The following TSPAN18 variants were observed in gnomAD, a reference collection of about 807,000 sequenced individuals.
TSPAN18 encodes the protein tetraspanin-18.
TSPAN18 carries 14 observed loss-of-function variants against 27.3 expected under a neutral mutation model. The observed-to-expected ratio is 0.51, with a 90% CI of 0.34 to 0.80. The LOEUF is 0.80. Among genes scored for constraint, TSPAN18 ranks in the 30% least tolerant of loss-of-function variants. The pLI is 0.01. For synonymous variants in TSPAN18, 143 were observed against 136.5 expected (o/e 1.05, Z -0.33); for missense variants, 268 against 323.9 (o/e 0.83, Z 1.32).
intron 1 of TSPAN18, among the ~76,000 whole-genome samples, chr11:44,728,812 T>C (rs1454574811): frequency 6.6e-6 from 1 of 152,190 alleles, no homozygotes; most frequent in East Asian, 1.9e-4. Flanking sequence ...GGGGCTAACA[T>C]TGAAGGGACA....
intron 3 of TSPAN18, among the ~76,000 whole-genome samples, chr11:44,899,554 C>G (rs1349647701): frequency 6.6e-6 from 1 of 152,234 alleles, no homozygotes; most frequent in African/African-American, 2.4e-5. Context: ...TCTAGGAGAG[C>G]AGCTGGGAGG....
chr11:44,816,241 T>C (rs1856816370), intron 2 of TSPAN18, among the ~76,000 whole-genome samples: 1 of 152,218 alleles, frequency 6.6e-6, no homozygotes, highest in South Asian at 2.1e-4. Context: ...CAAAGAGTAC[T>C]GTAATCGATT....
At chr11:44,781,482 G>A (rs996574467) in intron 2 of TSPAN18, among the ~76,000 whole-genome samples, 3 of 152,160 alleles carry the variant, frequency 2.0e-5, no homozygotes, top group Non-Finnish European at 4.4e-5. Flanking sequence ...TTGCTCTAGA[G>A]GCTGCAGGAG....
intron 1 of TSPAN18, among the ~76,000 whole-genome samples, chr11:44,735,726 C>T (rs1854776725): frequency 6.6e-6 from 1 of 152,064 alleles, no homozygotes; most frequent in African/African-American, 2.4e-5. Flanking sequence ...ATACCATTCT[C>T]CTGCCTCAGC....
intron 2 of TSPAN18, among the ~76,000 whole-genome samples, chr11:44,856,462 A>G (rs979694021): frequency 9.2e-5 from 14 of 151,942 alleles, no homozygotes; most frequent in African/African-American, 2.9e-4. Flanking sequence ...TCATCTTCAT[A>G]CATTCCAATC....
In TSPAN18 at chr11:44,930,874, C is replaced by T. The variant is rs1458869485; in HGVS notation, c.*1696C>T. 3 of 521,302 alleles carry T rather than the reference C, an allele frequency of 5.8e-6. No individual in the cohort carries two copies. The highest frequency in any genetic ancestry group is 1.9e-5 in the African/African-American group (1 of 51,686). The allele number at this position is 521,302 out of a possible 1,614,324, so 32.3% of individuals were successfully genotyped here. A position where few individuals can be genotyped will look rare whatever the true frequency, so the allele number is the denominator to read the frequency against. On this transcript the variant is annotated 3_prime_UTR_variant, in exon 10 of 10. Coordinates refer to ENST00000520358, the MANE Select transcript of TSPAN18 (RefSeq NM_130783.5). ...TGTCCCTCTTCAGGAAGAAAGAGCTCATTCTGTCTCACAAGCCACCGGCAT... is the reference window on the plus strand; with the variant it reads ...TGTCCCTCTTCAGGAAGAAAGAGCTTATTCTGTCTCACAAGCCACCGGCAT...
chr11:44,741,588 G>A (rs1269359102), intron 1 of TSPAN18, among the ~76,000 whole-genome samples: 4 of 152,074 alleles, frequency 2.6e-5, no homozygotes, highest in Non-Finnish European at 5.9e-5. Context: ...TGAGACATAC[G>A]GGATTAACAT....
At chr11:44,854,812 CAAAG>C (rs1857694095) in intron 2 of TSPAN18, among the ~76,000 whole-genome samples, 1 of 152,172 alleles carries the variant, frequency 6.6e-6, no homozygotes, top group Non-Finnish European at 1.5e-5. Context: ...GTCTATAAAA[CAAAG>C]AAAAACTGAG....
At chr11:44,752,402 C>T (rs1018686280) in intron 1 of TSPAN18, among the ~76,000 whole-genome samples, 3 of 151,420 alleles carry the variant, frequency 2.0e-5, no homozygotes, top group Admixed American at 6.6e-5. Context: ...TTTTTTTTGA[C>T]ACAGGGTCTC....
At chr11:44,733,526 C>T (rs1051697686) in intron 1 of TSPAN18, among the ~76,000 whole-genome samples, 2 of 152,212 alleles carry the variant, frequency 1.3e-5, no homozygotes, top group African/African-American at 2.4e-5. Flanking sequence ...TCCAGCATGT[C>T]TCCCAGGATC....
intron 3 of TSPAN18, among the ~76,000 whole-genome samples, chr11:44,897,382 A>AGAGCTGGCACTCTCTC: frequency 6.6e-6 from 1 of 152,246 alleles, no homozygotes; most frequent in East Asian, 1.9e-4. Context: ...AGTATTGTGG[A>AGAGCTGGCACTCTCTC]TGCCTGGGTG....
chr11:44,896,080 A>G (rs12288508), intron 3 of TSPAN18, among the ~76,000 whole-genome samples: 36,116 of 151,916 alleles, frequency 0.24, 4,548 homozygotes, highest in Middle Eastern at 0.3. Context: ...TAGCAACTCA[A>G]TGTACATCTA....
intron 2 of TSPAN18, among the ~76,000 whole-genome samples, chr11:44,854,201 G>A (rs1055006303): frequency 1.5e-4 from 1 of 6,728 alleles, no homozygotes; most frequent in African/African-American, 3.6e-4. Flanking sequence ...GGCAGGGGGT[G>A]GGGGGGGGGG....
intron 3 of TSPAN18, among the ~76,000 whole-genome samples, chr11:44,904,631 A>G (rs1859389586): frequency 6.6e-6 from 1 of 152,150 alleles, no homozygotes; most frequent in Admixed American, 6.5e-5. Flanking sequence ...ACAAACAAAC[A>G]AACAAAAACA....
At chr11:44,799,364 C>T (rs575459346) in intron 2 of TSPAN18, among the ~76,000 whole-genome samples, 1 of 152,328 alleles carries the variant, frequency 6.6e-6, no homozygotes, top group East Asian at 1.9e-4. Flanking sequence ...TACCTTGGTC[C>T]AAACGACACA....
chr11:44,727,493 C>G (rs147442900), intron 1 of TSPAN18, among the ~76,000 whole-genome samples: 1 of 152,286 alleles, frequency 6.6e-6, no homozygotes, highest in Non-Finnish European at 1.5e-5. Flanking sequence ...GTCTCCACCC[C>G]GTGCCTGCCC....
chr11:44,800,170 T>C (rs1353925664), intron 2 of TSPAN18, among the ~76,000 whole-genome samples: 2 of 152,088 alleles, frequency 1.3e-5, no homozygotes, highest in African/African-American at 4.8e-5. Flanking sequence ...CAAGTACTTA[T>C]TGAGCCAGGT....
At chr11:44,906,124 G>A (rs1859443427) in intron 3 of TSPAN18, among the ~76,000 whole-genome samples, 1 of 152,218 alleles carries the variant, frequency 6.6e-6, no homozygotes, top group Non-Finnish European at 1.5e-5. Context: ...TCACAACACT[G>A]CTAGGAGGAA....
At chr11:44,881,648 T>TATAC (rs1858492253) in intron 3 of TSPAN18, among the ~76,000 whole-genome samples, 3 of 152,208 alleles carry the variant, frequency 2.0e-5, no homozygotes, top group Admixed American at 6.5e-5. Context: ...GCCCGCTGTA[T>TATAC]GCCAGGCACT....
Sources: gnomAD v4.1 joint callset for allele counts (sites outside exome capture counted in the v4.1 genomes callset) on GRCh38, gnomAD v4.1.1 for gene constraint, MANE v1.5 for transcripts, NCBI Gene and HGNC (gene_info 2026-07-23, HGNC 2026-07-21) for gene names.